KIAA1328: variants seen among roughly 807,000 people sequenced by gnomAD.
The protein encoded by KIAA1328 is protein hinderin.
Under a neutral mutation model 68.1 loss-of-function variants are expected in KIAA1328, and 52 were observed. The observed-to-expected ratio is 0.76, with a 90% CI of 0.61 to 0.96. The LOEUF (loss-of-function observed/expected upper bound fraction) is 0.96, where lower values mean the gene tolerates loss of function less well. KIAA1328 is among the 40% of genes least tolerant of loss of function. KIAA1328 has a pLI of 0.00. For synonymous variants in KIAA1328, 232 were observed against 239.4 expected (o/e 0.97, Z 0.28); for missense variants, 641 against 677.6 (o/e 0.95, Z 0.60).
intron 9 of KIAA1328, among the ~76,000 whole-genome samples, chr18:37,191,681 C>T (rs775616289): frequency 6.6e-6 from 1 of 151,922 alleles, no homozygotes; most frequent in African/African-American, 2.4e-5. Context: ...GCTGCATGTT[C>T]CCCCATCTCT....
chr18:37,098,605 G>A (rs536794736), intron 7 of KIAA1328, among the ~76,000 whole-genome samples: 2 of 152,278 alleles, frequency 1.3e-5, no homozygotes, highest in East Asian at 3.9e-4. Context: ...AGTTAGGTAG[G>A]ATTCCCTATT....
At chr18:36,899,012 A>C (rs1440655873) in intron 5 of KIAA1328, among the ~76,000 whole-genome samples, 1 of 151,764 alleles carries the variant, frequency 6.6e-6, no homozygotes, top group Non-Finnish European at 1.5e-5. Context: ...CAACACCTCC[A>C]ATTAGGTATT....
intron 8 of KIAA1328, among the ~76,000 whole-genome samples, chr18:37,163,560 T>G (rs1427088411): frequency 6.6e-6 from 1 of 152,198 alleles, no homozygotes; most frequent in African/African-American, 2.4e-5. Context: ...ACACATATTT[T>G]TTTTTACTGG....
intron 6 of KIAA1328, among the ~76,000 whole-genome samples, chr18:37,003,827 C>G (rs2053678367): frequency 6.6e-6 from 1 of 152,006 alleles, no homozygotes; most frequent in Non-Finnish European, 1.5e-5. Flanking sequence ...ATCCCAGCAC[C>G]ATTAGTTGGA....
chr18:36,906,440 G>A (rs2049225085), intron 5 of KIAA1328, among the ~76,000 whole-genome samples: 1 of 152,138 alleles, frequency 6.6e-6, no homozygotes, highest in South Asian at 2.1e-4. Flanking sequence ...GTGGAATCAT[G>A]CAGTATTTAG....
At chr18:37,141,374 C>G (rs979480706) in intron 7 of KIAA1328, among the ~76,000 whole-genome samples, 1 of 152,178 alleles carries the variant, frequency 6.6e-6, no homozygotes, top group East Asian at 1.9e-4. Context: ...ATACCTTTTA[C>G]TCACCATAAT....
intron 4 of KIAA1328, among the ~76,000 whole-genome samples, chr18:36,850,922 A>G (rs1196562852): frequency 6.6e-6 from 1 of 152,166 alleles, no homozygotes; most frequent in Non-Finnish European, 1.5e-5. Context: ...TCAGTTTTTC[A>G]TCAGTGGAGT....
intron 4 of KIAA1328, among the ~76,000 whole-genome samples, chr18:36,874,876 A>G (rs1225597067): frequency 1.3e-5 from 2 of 152,158 alleles, no homozygotes; most frequent in East Asian, 1.9e-4. Context: ...GAAGGGGTCC[A>G]GTTTCAGTTT....
Position 37,066,958 on chromosome 18 carries a change from C to G in KIAA1328, c.645C>G (p.Ala215=), listed in dbSNP as rs1269804040. Residue 215 remains alanine (A), a synonymous_variant, in exon 7 of 10, where the codon GCC becomes GCG. Transcript: ENST00000280020. ...TGGATGGTTCCTACTTGAGCATAGC[C>G]AGACCACAGACCTACTATCAAACCA... ...VELDGSYLSI[A]RPQTYYQTKQ... is the part of the protein sequence containing the mutation. The G allele has an allele frequency of 6.2e-7, 1 of 1,612,456 alleles. No homozygotes were observed. Among genetic ancestry groups the G allele is most frequent in the East Asian group, 2.2e-5 (1 of 44,828 alleles).
intron 6 of KIAA1328, among the ~76,000 whole-genome samples, chr18:36,973,214 TA>T (rs762544912): frequency 1.1e-4 from 16 of 151,774 alleles, no homozygotes; most frequent in African/African-American, 3.6e-4. Context: ...CTGAGCAAAC[TA>T]TCCCAAGGAC....
At chr18:37,152,211 G>C (rs907262220) in intron 7 of KIAA1328, among the ~76,000 whole-genome samples, 2 of 151,790 alleles carry the variant, frequency 1.3e-5, no homozygotes, top group African/African-American at 4.8e-5. Context: ...CAAAGAGGTA[G>C]TTTTCATTCC....
At chr18:36,954,990 T>A (rs1454652433) in intron 5 of KIAA1328, among the ~76,000 whole-genome samples, 1 of 151,944 alleles carries the variant, frequency 6.6e-6, no homozygotes, top group Non-Finnish European at 1.5e-5. Context: ...ACTTGGCTTT[T>A]TTATCCATCC....
At chr18:37,126,434 A>G (rs1041451187) in intron 7 of KIAA1328, among the ~76,000 whole-genome samples, 1 of 152,204 alleles carries the variant, frequency 6.6e-6, no homozygotes, top group African/African-American at 2.4e-5. Context: ...ATCAGATTAT[A>G]TCTATGAAGT....
At chr18:37,062,126 G>GA (rs1485690765) in intron 6 of KIAA1328, among the ~76,000 whole-genome samples, 19 of 152,136 alleles carry the variant, frequency 1.2e-4, no homozygotes, top group African/African-American at 4.6e-4. Context: ...GTATGAAGGA[G>GA]AAAAATGAAT....
intron 6 of KIAA1328, among the ~76,000 whole-genome samples, chr18:36,995,623 C>T (rs114530442): frequency 3.3e-5 from 5 of 152,230 alleles, no homozygotes; most frequent in African/African-American, 9.6e-5. Context: ...ATTACTGACA[C>T]GGTAGTAAAA....
chr18:37,078,853 G>A (rs900764986), intron 7 of KIAA1328, among the ~76,000 whole-genome samples: 7 of 150,142 alleles, frequency 4.7e-5, no homozygotes, highest in East Asian at 2.0e-4. Flanking sequence ...AGGATGTGGA[G>A]AAATAGGAAC....
intron 6 of KIAA1328, among the ~76,000 whole-genome samples, chr18:37,007,918 T>C (rs2053839913): frequency 6.6e-6 from 1 of 152,182 alleles, no homozygotes; most frequent in African/African-American, 2.4e-5. Context: ...GGAAATGAGT[T>C]TCCTAGTTTG....
At chr18:37,084,074 C>G in intron 7 of KIAA1328, 1 of 1,053,674 alleles carries the variant, frequency 9.5e-7, no homozygotes, top group East Asian at 3.1e-5. Flanking sequence ...ATTTATCATT[C>G]AGGTTATCAG....
intron 5 of KIAA1328, among the ~76,000 whole-genome samples, chr18:36,889,558 C>G (rs1012826275): frequency 1.2e-4 from 18 of 152,104 alleles, no homozygotes; most frequent in African/African-American, 4.1e-4. Flanking sequence ...GAGTCATAAT[C>G]CCATTTTAGC....
Sources: allele counts gnomAD v4.1 joint callset (sites outside exome capture counted in the v4.1 genomes callset), GRCh38; gene constraint gnomAD v4.1.1; transcripts MANE v1.5; gene names NCBI Gene and HGNC (gene_info 2026-07-23, HGNC 2026-07-21).